ZNF2: variants seen among roughly 807,000 people sequenced by gnomAD.
ZNF2 encodes zinc finger protein 2.2.
A neutral mutation model predicts 21.9 loss-of-function variants in ZNF2; 12 were observed. The observed-to-expected ratio is 0.55, with a 90% CI of 0.35 to 0.89. The LOEUF is 0.89. Ranked by LOEUF, ZNF2 falls within the 40% of genes least tolerant of loss-of-function variation. The pLI, the probability that ZNF2 is intolerant of heterozygous loss-of-function variation, is 0.01. For synonymous variants in ZNF2, 186 were observed against 196.3 expected (o/e 0.95, Z 0.44); for missense variants, 462 against 544.2 (o/e 0.85, Z 1.50).
rs568565948 is a variant in ZNF2 at position 95,177,509 on chromosome 2, C to T, written c.60C>T (p.Ala20=). ...CQESVTFEDV[A]VVFTDEEWSR... is the part of the protein sequence containing the mutation. ...AATCAGTGACATTCGAAGACGTTGC[C>T]GTGGTTTTCACAGATGAAGAGTGGA... The change falls in exon 3 of 5, where the codon GCC becomes GCT. Residue 20 remains alanine, a synonymous_variant. Transcript: ENST00000614034. The T allele has an allele frequency of 9.9e-6, 16 of 1,614,030 alleles. No individual in the cohort carries two copies. Among genetic ancestry groups the T allele is most frequent in the Middle Eastern group, 1.7e-4 (1 of 6,060 alleles).
intron 1 of ZNF2, among the ~76,000 whole-genome samples, chr2:95,167,945 G>C (rs1674139679): frequency 6.6e-6 from 1 of 152,116 alleles, no homozygotes; most frequent in Non-Finnish European, 1.5e-5. Context: ...AGTGGTAACA[G>C]TGTGGAGTCA....
chr2:95,177,727 G>T, intron 3 of ZNF2, 118 bp downstream of exon 3: 1 of 1,326,070 alleles, frequency 7.5e-7, no homozygotes. Flanking sequence ...GAGAGATAAA[G>T]TAAGAGTCGA....
chr2:95,167,371 T>G (rs1389112652), intron 1 of ZNF2, among the ~76,000 whole-genome samples: 1 of 151,060 alleles, frequency 6.6e-6, no homozygotes, highest in African/African-American at 2.4e-5. Context: ...CCGGGCGTGG[T>G]GGCGGGCGCC....
At chr2:95,173,772 G>A (rs1221254730) in intron 1 of ZNF2, among the ~76,000 whole-genome samples, 2 of 152,194 alleles carry the variant, frequency 1.3e-5, no homozygotes, top group Admixed American at 6.5e-5. Flanking sequence ...GCAGTGGCAC[G>A]ATCTTGGCTC....
Position 95,180,228 on chromosome 2 carries a change from T to A in ZNF2, c.230T>A (p.Leu77His), listed in dbSNP as rs199751140. The change falls in exon 4 of 5, where the codon CTT becomes CAT. Residue 77 changes from leucine to histidine, a missense_variant. Physicochemically the swap from Leu to His is moderately conservative, Grantham distance 99. Coordinates refer to ENST00000614034, the MANE Select transcript of ZNF2 (RefSeq NM_021088.4). ...KRGDKPWMVD[L>H]HGSEEREWPE... ...GGGGACAAGCCGTGGATGGTAGATC[T>A]TCATGGGTCTGAGGAGAGAGAATGG... 2.9e-4 allele frequency: 462 copies of A among 1,614,040 alleles called. No homozygotes were observed. Among genetic ancestry groups the A allele is most frequent in the Non-Finnish European group, 3.2e-4 (375 of 1,180,014 alleles).
At chr2:95,167,588 C>G (rs1226760852) in intron 1 of ZNF2, among the ~76,000 whole-genome samples, 2 of 151,526 alleles carry the variant, frequency 1.3e-5, no homozygotes, top group Non-Finnish European at 2.9e-5. Flanking sequence ...TAGCTCATGC[C>G]TGTAATCCCA....
chr2:95,170,553 C>T (rs574419473), intron 1 of ZNF2, among the ~76,000 whole-genome samples: 1 of 152,168 alleles, frequency 6.6e-6, no homozygotes, highest in Non-Finnish European at 1.5e-5. Flanking sequence ...TAGACTAGAA[C>T]AGAAAATCCC....
chr2:95,176,256 C>G lies in ZNF2; in HGVS notation c.30C>G (p.Cys10Trp). 6.2e-7 allele frequency: 1 copy of G among 1,614,134 alleles called. No individual in the cohort carries two copies. Among genetic ancestry groups the G allele is most frequent in the Non-Finnish European group, 8.5e-7 (1 of 1,180,030 alleles). MAAVSPTTR[C>W]QESVTFEDVA... ...CTGCTGTGTCTCCGACCACCAGATG[C>G]CAGGTGAGGTGGACTTTTGTGTTCC... The change falls in exon 2 of 5, where the codon TGC becomes TGG. Residue 10 changes from cysteine to tryptophan, a missense_variant. Physicochemically the swap from Cys to Trp is radical, Grantham distance 215 (BLOSUM62 -2). Transcript: ENST00000614034.
At chr2:95,170,640 A>G (rs187987582) in intron 1 of ZNF2, among the ~76,000 whole-genome samples, 1 of 152,324 alleles carries the variant, frequency 6.6e-6, no homozygotes, top group African/African-American at 2.4e-5. Context: ...ATATCTATTG[A>G]TCTGGTCTTT....
intron 4 of ZNF2, 127 bp downstream of exon 4, chr2:95,180,399 C>T (rs1173583952): frequency 3.2e-6 from 2 of 622,418 alleles, no homozygotes; most frequent in African/African-American, 1.9e-5. Context: ...TATTGTATAT[C>T]ACCCAATAGC....
At chr2:95,179,822 C>T (rs1196188277) in intron 3 of ZNF2, among the ~76,000 whole-genome samples, 2 of 152,126 alleles carry the variant, frequency 1.3e-5, no homozygotes, top group South Asian at 2.1e-4. Flanking sequence ...TTTGGGAGGC[C>T]GCGGCAGGTG....
At chr2:95,174,410 T>C (rs1035483957) in intron 1 of ZNF2, among the ~76,000 whole-genome samples, 1 of 152,204 alleles carries the variant, frequency 6.6e-6, no homozygotes, top group African/African-American at 2.4e-5. Flanking sequence ...CTCTCCTCGA[T>C]GAAACTGGCC....
chr2:95,181,678 C>T lies in ZNF2; in HGVS notation c.850C>T (p.Pro284Ser). Residue 284 changes from proline (P) to serine (S), a missense_variant, in exon 5 of 5, where the codon CCT becomes TCT. By Grantham distance (74) the Pro-to-Ser change is moderately conservative (BLOSUM62 -1). Transcript: ENST00000614034. Reference sequence around the variant, plus strand: ...CCAGAGAATTCACACTGGAGAAAGTCCTTATGAATGTCATCAGTGTGGGAA... The same window carrying T: ...CCAGAGAATTCACACTGGAGAAAGTTCTTATGAATGTCATCAGTGTGGGAA... ...RHQRIHTGES[P>S]YECHQCGKAF... The T allele has an allele frequency of 6.2e-7, 1 of 1,614,200 alleles. No homozygotes were observed. Among genetic ancestry groups the T allele is most frequent in the Non-Finnish European group, 8.5e-7 (1 of 1,180,042 alleles).
chr2:95,182,375 A>G lies in ZNF2; in HGVS notation c.*269A>G, dbSNP rs1359512195. 2.2e-5 allele frequency: 8 copies of G among 357,590 alleles called. No homozygotes were observed. The highest frequency in any genetic ancestry group is 4.0e-5 in the Non-Finnish European group (8 of 198,618). 22.2% of individuals were successfully genotyped at this position (357,590 alleles called of 1,614,324 possible). ...TAGGAGGAGACACACCTCTTGTCTG[A>G]GAACCTAGGCCCCAGGTATCACTGC... On this transcript the variant is annotated 3_prime_UTR_variant, in exon 5 of 5. Transcript: ENST00000614034.
At position 95,183,068 on chromosome 2, in the gene ZNF2, A is replaced by G. The variant is rs1558718590; in HGVS notation, c.*962A>G. 6.6e-6 allele frequency: 1 copy of G among 152,186 alleles called. No homozygotes were observed. The highest frequency in any genetic ancestry group is 2.4e-5 in the African/African-American group (1 of 41,430). The allele number at this position is 152,186 out of a possible 1,614,324, so 9.4% of individuals were successfully genotyped here. On this transcript the variant is annotated 3_prime_UTR_variant, in exon 5 of 5. Coordinates refer to ENST00000614034, the MANE Select transcript of ZNF2 (RefSeq NM_021088.4). The stretch of plus-strand genomic sequence containing the variant: ...CCCAGCCTATACTTTTATCATCCCC[A>G]GCTCCCACTCCTGGCAGCAGTAGCT...
At chr2:95,171,451 C>T (rs1474077299) in intron 1 of ZNF2, among the ~76,000 whole-genome samples, 4 of 150,606 alleles carry the variant, frequency 2.7e-5, no homozygotes, top group African/African-American at 7.3e-5. Flanking sequence ...GGTGTGATCT[C>T]GGCTCACTGC....
At chr2:95,180,752 C>T (rs1434430106) in intron 4 of ZNF2, among the ~76,000 whole-genome samples, 4 of 152,126 alleles carry the variant, frequency 2.6e-5, no homozygotes, top group Non-Finnish European at 4.4e-5. Flanking sequence ...TCAGGTGATC[C>T]GCCCACCTTG....
rs1674010003 is a variant in ZNF2 at position 95,165,866 on chromosome 2, G to A, written c.-40+6G>A. 6.6e-6 allele frequency: 1 copy of A among 152,376 alleles called. No individual in the cohort carries two copies. The highest frequency in any genetic ancestry group is 1.5e-5 in the Non-Finnish European group (1 of 68,146). The allele number at this position is 152,376 out of a possible 1,614,324, so 9.4% of individuals were successfully genotyped here. On this transcript the variant is annotated splice_donor_region_variant and intron_variant, in intron 1 of 4. Coordinates refer to ENST00000614034, the MANE Select transcript of ZNF2 (RefSeq NM_021088.4). Reference sequence around the variant, plus strand: ...CCGAGCACTCTGTGCCGGAGGTGAGGGTTGTGGGTGTGTGTCTTCAAGGAG... The same window carrying A: ...CCGAGCACTCTGTGCCGGAGGTGAGAGTTGTGGGTGTGTGTCTTCAAGGAG...
At chr2:95,171,867 C>A (rs1431265343) in intron 1 of ZNF2, among the ~76,000 whole-genome samples, 3 of 152,188 alleles carry the variant, frequency 2.0e-5, no homozygotes, top group Non-Finnish European at 4.4e-5. Flanking sequence ...TGTTGGGGTC[C>A]CCAGGATCAC....
Sources: allele counts gnomAD v4.1 joint callset (sites outside exome capture counted in the v4.1 genomes callset), GRCh38; gene constraint gnomAD v4.1.1; transcripts MANE v1.5; gene names NCBI Gene and HGNC (gene_info 2026-07-23, HGNC 2026-07-21).